The following PLB1 variants were observed in gnomAD, a reference collection of about 807,000 sequenced individuals.
The protein encoded by PLB1 is phospholipase B1.
Under a neutral mutation model 227.4 loss-of-function variants are expected in PLB1, and 242 were observed. The ratio of observed to expected loss-of-function variants is 1.06; its 90% CI spans 0.96 to 1.18. The LOEUF (loss-of-function observed/expected upper bound fraction) is 1.18. PLB1 is among the 50% of genes most tolerant of loss of function. The pLI is 0.00. For synonymous variants in PLB1, 757 were observed against 682.2 expected, an observed-to-expected ratio of 1.11 and a Z score of -1.71; for missense variants, 1,858 against 1,816.3, an observed-to-expected ratio of 1.02 and a Z score of -0.42.
chr2:28,521,497 G>T (rs1398157555), intron 4 of PLB1, among the ~76,000 whole-genome samples: 1 of 152,108 alleles, frequency 6.6e-6, no homozygotes, highest in African/African-American at 2.4e-5. Context: ...GCATCCTAAT[G>T]GGTATGAGGT....
Position 28,620,309 on chromosome 2 carries a change from A to ATCTTGGAGGGGACTC in PLB1, c.3370_3383+1dup, listed in dbSNP as rs1278069243. ...CAAACAACTCCAGTGACCTACCCACATCTTGGAGGGGACTCTCTTGGAGGT... is the reference window on the plus strand; with the variant it reads ...CAAACAACTCCAGTGACCTACCCACATCTTGGAGGGGACTCTCTTGGAGGGGACTCTCTTGGAGGT... On this transcript the variant is annotated inframe_insertion, in exon 47 of 58. Coordinates refer to ENST00000327757, the MANE Select transcript of PLB1 (RefSeq NM_153021.5). 3.1e-6 allele frequency: 5 copies of ATCTTGGAGGGGACTC among 1,605,626 alleles called. No homozygotes were observed. The Admixed American group carries it at 5.1e-5, about 16-fold the overall frequency.
rs779986458 is a variant in PLB1 at position 28,585,855 on chromosome 2, G to A, written c.1815+13G>A. ...CAAGAAGTTTCAGGTAAGCCGGGAA[G>A]GGGTTCTAAGACTTCCCAGAACTGC... On this transcript the variant is annotated intron_variant, in intron 26 of 57. Transcript: ENST00000327757. 36 of 1,579,126 alleles carry A rather than the reference G, an allele frequency of 2.3e-5. 1 individual carries two copies. The highest frequency in any genetic ancestry group is 2.1e-4 in the South Asian group (19 of 90,308).
intron 37 of PLB1, among the ~76,000 whole-genome samples, chr2:28,601,599 T>C (rs1030467862): frequency 6.6e-6 from 1 of 152,100 alleles, no homozygotes; most frequent in African/African-American, 2.4e-5. Flanking sequence ...TCCTCTCTCT[T>C]ATAACTCCTG....
chr2:28,566,209 C>T (rs1346436538), intron 19 of PLB1, among the ~76,000 whole-genome samples: 3 of 151,880 alleles, frequency 2.0e-5, no homozygotes, highest in Admixed American at 1.3e-4. Flanking sequence ...ATTTGGGGAA[C>T]CTTTTAGATG....
At chr2:28,595,987 G>A (rs1337159420) in intron 33 of PLB1, 1 of 152,158 alleles carries the variant, frequency 6.6e-6, no homozygotes, top group Non-Finnish European at 1.5e-5. Flanking sequence ...TGAGAGCATT[G>A]CCTTTTCTTC....
intron 1 of PLB1, among the ~76,000 whole-genome samples, chr2:28,508,062 C>T (rs1177427399): frequency 6.6e-6 from 1 of 152,152 alleles, no homozygotes; most frequent in East Asian, 1.9e-4. Flanking sequence ...CAGGGCAAAA[C>T]AATAGATTTC....
chr2:28,590,920 G>C (rs1361007348), intron 29 of PLB1, among the ~76,000 whole-genome samples: 1 of 152,214 alleles, frequency 6.6e-6, no homozygotes, highest in African/African-American at 2.4e-5. Flanking sequence ...GCGTTCCCGT[G>C]AAGCATGAAT....
At chr2:28,509,876 G>C (rs915521257) in intron 1 of PLB1, among the ~76,000 whole-genome samples, 11 of 152,182 alleles carry the variant, frequency 7.2e-5, no homozygotes, top group African/African-American at 2.7e-4. Flanking sequence ...TGTACCTGGT[G>C]AAAGCAGAGA....
rs771206604 is a variant in PLB1 at position 28,579,705 on chromosome 2, C to T, written c.1564C>T (p.Leu522=). The change falls in exon 23 of 58, where the codon CTG becomes TTG. Residue 522 remains leucine, a splice_region_variant and synonymous_variant. Coordinates refer to ENST00000327757, the MANE Select transcript of PLB1 (RefSeq NM_153021.5). ...TGACCTCTGTGATTTCTGCAATGAT[C>T]TGGTAGGTCTCCAGGCACTTTACTC... ...GNDLCDFCND[L]VHYSPQNFTD... 6.2e-7 allele frequency: 1 copy of T among 1,611,442 alleles called. No individual in the cohort carries two copies. The highest frequency in any genetic ancestry group is 8.5e-7 in the Non-Finnish European group (1 of 1,177,736).
At chr2:28,637,697 C>T (rs559579478) in intron 56 of PLB1, among the ~76,000 whole-genome samples, 1 of 152,346 alleles carries the variant, frequency 6.6e-6, no homozygotes, top group Admixed American at 6.5e-5. Flanking sequence ...CCAGCAGCGT[C>T]CTGCACCACC....
intron 35 of PLB1, 142 bp from the exon 36 acceptor site, chr2:28,600,667 C>T (rs1683725440): frequency 1.4e-6 from 1 of 720,762 alleles, no homozygotes; most frequent in South Asian, 1.7e-5. Context: ...AGAGGCAAGT[C>T]ACTCCTGGTT....
At chr2:28,503,370 G>A (rs1187308463) in intron 1 of PLB1, among the ~76,000 whole-genome samples, 1 of 151,910 alleles carries the variant, frequency 6.6e-6, no homozygotes, top group Non-Finnish European at 1.5e-5. Flanking sequence ...TCCCAGGCTG[G>A]TCTTGAACTC....
At chr2:28,626,359 C>A in intron 50 of PLB1, 69 bp from the exon 51 acceptor site, 1 of 1,358,644 alleles carries the variant, frequency 7.4e-7, no homozygotes, top group Non-Finnish European at 1.1e-6. Flanking sequence ...GGCGGGCGGG[C>A]TGGCCCAGTA....
intron 14 of PLB1, 119 bp downstream of exon 14, chr2:28,543,387 T>C (rs11127164): frequency 0.48 from 508,498 of 1,063,954 alleles, 126,590 homozygotes; most frequent in South Asian, 0.56. Flanking sequence ...ACAATGGTTC[T>C]GGGCCACCAG....
chr2:28,500,518 G>A (rs1210416365), intron 1 of PLB1, among the ~76,000 whole-genome samples: 1 of 152,108 alleles, frequency 6.6e-6, no homozygotes, highest in Admixed American at 6.6e-5. Flanking sequence ...TTGGAAGATG[G>A]TGATTTTTCT....
intron 17 of PLB1, among the ~76,000 whole-genome samples, chr2:28,555,141 CT>C (rs3041204): frequency 0.012 from 1,465 of 120,174 alleles, 21 homozygotes; most frequent in African/African-American, 0.044. Context: ...TGCCAGTGAT[CT>C]TTTTTTTTTT....
intron 33 of PLB1, among the ~76,000 whole-genome samples, chr2:28,596,917 GT>G (rs1683017910): frequency 6.6e-6 from 1 of 152,210 alleles, no homozygotes; most frequent in African/African-American, 2.4e-5. Context: ...CTCATGGCCT[GT>G]CCCTTAGAAG....
chr2:28,550,740 C>T (rs187445240), intron 16 of PLB1, among the ~76,000 whole-genome samples: 27 of 152,034 alleles, frequency 1.8e-4, no homozygotes, highest in African/African-American at 5.5e-4. Flanking sequence ...CAGGGTTTCA[C>T]CATGTTGGCC....
intron 17 of PLB1, among the ~76,000 whole-genome samples, chr2:28,558,660 G>C (rs1331160341): frequency 1.3e-5 from 2 of 151,932 alleles, no homozygotes; most frequent in Non-Finnish European, 2.9e-5. Context: ...GTGCATGTGT[G>C]CATGGTGCAT....
Sources: allele counts gnomAD v4.1 joint callset (sites outside exome capture counted in the v4.1 genomes callset), GRCh38; gene constraint gnomAD v4.1.1; transcripts MANE v1.5; gene names NCBI Gene and HGNC (gene_info 2026-07-23, HGNC 2026-07-21).